MRPS6: variants seen among roughly 807,000 people sequenced by gnomAD.
MRPS6 encodes mitochondrial ribosomal protein S6, also known as small ribosomal subunit protein bS6m.
In MRPS6, 6 loss-of-function variants were observed where a neutral mutation model predicts 13.1. The ratio of observed to expected loss-of-function variants is 0.46; its 90% confidence interval spans 0.25 to 0.91. MRPS6 has a LOEUF of 0.91. Among genes scored for constraint, MRPS6 ranks in the 40% least tolerant of loss-of-function variants. The pLI is 0.18. For synonymous variants in MRPS6, 61 were observed against 56.5 expected (o/e 1.08, Z -0.36); for missense variants, 164 against 155.6 (o/e 1.05, Z -0.29).
chr21:34,125,388 CAG>C lies in MRPS6; in HGVS notation c.96_97del (p.Gly33SerfsTer11). On this transcript the variant is annotated frameshift_variant, in exon 2 of 3. Transcript: ENST00000399312. LOFTEE classifies it high-confidence loss of function. ...LKRTIEALMD[R>X]GAIVRDLENL... is the part of the protein sequence containing the mutation. ...AACGTACGATAGAGGCCCTGATGGA[CAG>C]AGGAGCAATAGTGAGGGACTTGGAA... 6.2e-7 allele frequency: 1 copy of C among 1,613,922 alleles called. No individual in the cohort carries two copies. Among genetic ancestry groups the C allele is most frequent in the Non-Finnish European group, 8.5e-7 (1 of 1,179,938 alleles).
At chr21:34,124,963 T>C (rs1980248553) in intron 1 of MRPS6, 1 of 158,798 alleles carries the variant, frequency 6.3e-6, no homozygotes, top group African/African-American at 2.4e-5. Flanking sequence ...CGAGATACTC[T>C]TCTCCTGGAA....
chr21:34,123,672 G>C (rs1252189827), intron 1 of MRPS6: 2 of 151,916 alleles, frequency 1.3e-5, no homozygotes, highest in Admixed American at 6.6e-5. Flanking sequence ...CGTCTTGCAT[G>C]GTCCGCTCCT....
chr21:34,135,988 C>T, intron 2 of MRPS6: 1 of 331,770 alleles, frequency 3.0e-6, no homozygotes, highest in Non-Finnish European at 6.0e-6. Flanking sequence ...TGTGCTGCAT[C>T]ATTGATCTGC....
In MRPS6 at chr21:34,107,429, C is replaced by T. The variant is rs377642845; in HGVS notation, c.46-17912C>T. 1.5e-4 allele frequency among the ~76,000 whole-genome samples: 23 copies of T among 152,300 alleles called. 1 individual carries two copies. The highest frequency in any genetic ancestry group is 5.1e-4 in the African/African-American group (21 of 41,560). ...CATTATCGATGATACTAACTTTGAT[C>T]TTGGTTAAGGTGGTGTCCACCAGGT... On this transcript the variant is annotated intron_variant, in intron 1 of 2. Coordinates refer to ENST00000399312, the MANE Select transcript of MRPS6 (RefSeq NM_032476.4).
chr21:34,091,341 A>T (rs2154504), intron 1 of MRPS6, among the ~76,000 whole-genome samples: 152,306 of 152,306 alleles, frequency 1, 76,153 homozygotes, highest in Non-Finnish European at 1. Context: ...GTTTGGTTTT[A>T]GTGGCAGGTG....
intron 2 of MRPS6, among the ~76,000 whole-genome samples, chr21:34,132,532 T>C (rs1980540725): frequency 6.6e-6 from 1 of 152,210 alleles, no homozygotes; most frequent in Non-Finnish European, 1.5e-5. Context: ...ACAGGGAGCC[T>C]CCCGAAGCTA....
chr21:34,136,344 C>G (rs1354248588), intron 2 of MRPS6, among the ~76,000 whole-genome samples: 1 of 152,108 alleles, frequency 6.6e-6, no homozygotes, highest in Non-Finnish European at 1.5e-5. Flanking sequence ...GGTAGGGTTT[C>G]ACCATGTTGG....
At chr21:34,089,497 A>G (rs1257332999) in intron 1 of MRPS6, among the ~76,000 whole-genome samples, 7 of 152,158 alleles carry the variant, frequency 4.6e-5, no homozygotes, top group Admixed American at 4.6e-4. Flanking sequence ...AAAAAAATTC[A>G]TGATGAGCCA....
chr21:34,135,340 G>C (rs1226935178), intron 2 of MRPS6: 1 of 278,796 alleles, frequency 3.6e-6, no homozygotes, highest in African/African-American at 2.4e-5. Flanking sequence ...ATGTATATGA[G>C]AGCCGGTTTT....
At chr21:34,140,173 G>T (rs529739594) in intron 2 of MRPS6, among the ~76,000 whole-genome samples, 3 of 149,256 alleles carry the variant, frequency 2.0e-5, no homozygotes, top group East Asian at 3.9e-4. Flanking sequence ...GATTTAATTT[G>T]CTCTTTTCCT....
At chr21:34,127,130 CTTT>C (rs1158355043) in intron 2 of MRPS6, among the ~76,000 whole-genome samples, 1 of 152,168 alleles carries the variant, frequency 6.6e-6, no homozygotes, top group Non-Finnish European at 1.5e-5. Flanking sequence ...AGTTCATTGA[CTTT>C]TAAAGATTTT....
intron 1 of MRPS6, among the ~76,000 whole-genome samples, chr21:34,091,141 C>G (rs140526092): frequency 6.6e-6 from 1 of 152,182 alleles, no homozygotes; most frequent in East Asian, 1.9e-4. Context: ...TTACCATTGA[C>G]AGAGTGCTGG....
chr21:34,120,119 A>G (rs970639982), intron 1 of MRPS6, among the ~76,000 whole-genome samples: 4 of 152,216 alleles, frequency 2.6e-5, no homozygotes, highest in South Asian at 2.1e-4. Flanking sequence ...CAGTACGTGT[A>G]TTCTTCATTG....
chr21:34,074,384 G>C (rs1397444955), intron 1 of MRPS6, among the ~76,000 whole-genome samples: 2 of 152,190 alleles, frequency 1.3e-5, no homozygotes, highest in East Asian at 3.8e-4. Flanking sequence ...TCCCGCTCCG[G>C]GTGCCCTTAG....
intron 1 of MRPS6, among the ~76,000 whole-genome samples, chr21:34,088,945 T>G (rs1666079554): frequency 6.6e-6 from 1 of 152,072 alleles, no homozygotes; most frequent in Non-Finnish European, 1.5e-5. Context: ...AAGCAGATAG[T>G]GTTGAGCCTC....
chr21:34,139,809 G>T (rs1247546241), intron 2 of MRPS6, among the ~76,000 whole-genome samples: 2 of 152,120 alleles, frequency 1.3e-5, no homozygotes, highest in Non-Finnish European at 2.9e-5. Flanking sequence ...GACTCCTGGT[G>T]TCAACTGATC....
intron 2 of MRPS6, among the ~76,000 whole-genome samples, chr21:34,139,820 T>A (rs1445741204): frequency 3.3e-5 from 5 of 152,212 alleles, no homozygotes; most frequent in Non-Finnish European, 7.3e-5. Context: ...TCAACTGATC[T>A]GCCTGTCTAG....
intron 2 of MRPS6, chr21:34,135,979 G>A (rs1338092866): frequency 2.9e-6 from 1 of 344,718 alleles, no homozygotes; most frequent in African/African-American, 2.2e-5. Flanking sequence ...ATCATCATTT[G>A]TGCTGCATCA....
intron 1 of MRPS6, among the ~76,000 whole-genome samples, chr21:34,116,316 A>G (rs1033754216): frequency 3.1e-5 from 4 of 130,284 alleles, no homozygotes; most frequent in African/African-American, 1.2e-4. Context: ...TCAATCATCC[A>G]TGTTTTTTTT....
Sources: allele counts gnomAD v4.1 joint callset (sites outside exome capture counted in the v4.1 genomes callset), GRCh38; gene constraint gnomAD v4.1.1; transcripts MANE v1.5; gene names NCBI Gene and HGNC (gene_info 2026-07-23, HGNC 2026-07-21).